Variants in MAD1L1 observed in about 807,000 individuals in gnomAD.
MAD1L1 encodes the protein mitotic arrest deficient 1 like 1.
MAD1L1 carries 95 observed loss-of-function variants against 96.9 expected under a neutral mutation model. The ratio of observed to expected loss-of-function variants is 0.98; its 90% CI spans 0.83 to 1.16. MAD1L1 has a LOEUF of 1.16. MAD1L1 is among the 50% of genes most tolerant of loss of function. The pLI, the probability that MAD1L1 is intolerant of heterozygous loss-of-function variation, is 0.00. For synonymous variants in MAD1L1, 473 were observed against 396.6 expected (o/e 1.19, Z -2.29); for missense variants, 1,007 against 954.4 (o/e 1.06, Z -0.73).
At chr7:2,076,747 C>T (rs541148374) in intron 11 of MAD1L1, among the ~76,000 whole-genome samples, 10 of 152,096 alleles carry the variant, frequency 6.6e-5, no homozygotes, top group South Asian at 2.1e-4. Flanking sequence ...TTGGTGAGCC[C>T]GCAACATGGT....
intron 18 of MAD1L1, among the ~76,000 whole-genome samples, chr7:1,864,750 T>C (rs1199528053): frequency 6.6e-6 from 1 of 152,140 alleles, no homozygotes; most frequent in East Asian, 1.9e-4. Context: ...GCCCCCTCCC[T>C]GGGGTGAGGG....
Position 1,965,344 on chromosome 7 carries a change from C to T in MAD1L1, c.1506-7625G>A, listed in dbSNP as rs570227704. 5.9e-5 allele frequency among the ~76,000 whole-genome samples: 9 copies of T among 152,330 alleles called. 1 individual carries two copies. Among genetic ancestry groups the T allele is most frequent in the African/African-American group, 1.4e-4 (6 of 41,576 alleles). ...AAGCCGCGCAGACATGGCAGTGTGA[C>T]GGGTGCCCACGCCTGCCCTTCCTCT... On this transcript the variant is annotated intron_variant, in intron 15 of 18. Transcript: ENST00000265854.
At chr7:1,819,432 C>G (rs1030245302) in intron 18 of MAD1L1, among the ~76,000 whole-genome samples, 1 of 152,162 alleles carries the variant, frequency 6.6e-6, no homozygotes, top group Non-Finnish European at 1.5e-5. Flanking sequence ...ATTGTGGCCA[C>G]TGCACTCTAG....
chr7:2,172,246 C>A (rs535894018), intron 10 of MAD1L1, among the ~76,000 whole-genome samples: 2 of 152,270 alleles, frequency 1.3e-5, no homozygotes, highest in South Asian at 2.1e-4. Context: ...CACAGCCTTG[C>A]GAGACACCAC....
intron 12 of MAD1L1, among the ~76,000 whole-genome samples, chr7:2,047,493 G>A (rs1783977048): frequency 6.6e-6 from 1 of 152,198 alleles, no homozygotes; most frequent in Non-Finnish European, 1.5e-5. Flanking sequence ...ATACCTCCCA[G>A]TCTGAGCACA....
At chr7:1,884,843 G>A (rs773688299) in intron 18 of MAD1L1, among the ~76,000 whole-genome samples, 4 of 152,238 alleles carry the variant, frequency 2.6e-5, no homozygotes, top group African/African-American at 7.2e-5. Flanking sequence ...GCCCTCAGAC[G>A]CAGGCGGGGC....
At chr7:2,076,813 T>G (rs563350407) in intron 11 of MAD1L1, among the ~76,000 whole-genome samples, 3 of 144,508 alleles carry the variant, frequency 2.1e-5, no homozygotes, top group Non-Finnish European at 3.0e-5. Context: ...CTGAGATGGT[T>G]ACGACACGAT....
At chr7:2,154,450 G>A (rs1789726008) in intron 10 of MAD1L1, among the ~76,000 whole-genome samples, 1 of 152,214 alleles carries the variant, frequency 6.6e-6, no homozygotes, top group South Asian at 2.1e-4. Context: ...AGAGTTAACA[G>A]TGTATTGTAT....
intron 5 of MAD1L1, 74 bp from the exon 6 acceptor site, chr7:2,219,530 G>A (rs1584581795): frequency 1.3e-6 from 2 of 1,532,192 alleles, no homozygotes; most frequent in African/African-American, 1.4e-5. Flanking sequence ...ACATGGAGAT[G>A]AGAAGAGTGG....
intron 18 of MAD1L1, among the ~76,000 whole-genome samples, chr7:1,827,463 CGTCGCGGGTGTGGGGGCCTCCCCTCCTG>C (rs1562431575): frequency 1.4e-4 from 13 of 94,910 alleles, no homozygotes; most frequent in Non-Finnish European, 3.1e-4. Context: ...CTCCTGAGCC[CGTCGCGGGTGTGGGGGCCTCCCCTCCTG>C]AGCCCGTCCC....
At position 2,128,958 on chromosome 7, in the gene MAD1L1, T is replaced by C. The variant is rs140653328; in HGVS notation, c.1073+20194A>G. Among the ~76,000 whole-genome samples, 386 of 152,326 alleles carry C rather than the reference T, an allele frequency of 2.5e-3. 2 individuals are homozygous for C. The highest frequency in any genetic ancestry group is 8.0e-3 in the African/African-American group (333 of 41,574). On this transcript the variant is annotated intron_variant, in intron 11 of 18. Coordinates refer to ENST00000265854, the MANE Select transcript of MAD1L1 (RefSeq NM_001013836.2). Reference sequence around the variant, plus strand: ...GAAAAGCCAGAGGGGGACACAGACCTTCCCAAGGCTTCAGGGCATCTGGAC... The same window carrying C: ...GAAAAGCCAGAGGGGGACACAGACCCTCCCAAGGCTTCAGGGCATCTGGAC...
intron 18 of MAD1L1, among the ~76,000 whole-genome samples, chr7:1,883,807 C>G (rs527403851): frequency 1.8e-4 from 27 of 152,324 alleles, no homozygotes; most frequent in Admixed American, 8.5e-4. Flanking sequence ...CAGACAGCTT[C>G]AAACCAGATG....
chr7:1,938,170 G>A (rs112159206), intron 16 of MAD1L1, among the ~76,000 whole-genome samples: 1 of 83,138 alleles, frequency 1.2e-5, no homozygotes, highest in Non-Finnish European at 2.3e-5. Context: ...CCGAGACCCC[G>A]ACCTCACGCC....
At position 1,898,181 on chromosome 7, in the gene MAD1L1, C is replaced by T. The variant is rs765962367; in HGVS notation, c.1998+19G>A. ...ACAGAGAGCGAGACAGCCGGAGAGCCGTCACACGCAGGACCCACCTTGAAG... is the reference window on the plus strand; with the variant it reads ...ACAGAGAGCGAGACAGCCGGAGAGCTGTCACACGCAGGACCCACCTTGAAG... On this transcript the variant is annotated intron_variant, in intron 18 of 18. Coordinates refer to ENST00000265854, the MANE Select transcript of MAD1L1 (RefSeq NM_001013836.2). 1.0e-5 allele frequency: 16 copies of T among 1,587,732 alleles called. No individual in the cohort carries two copies. Among genetic ancestry groups the T allele is most frequent in the African/African-American group, 6.7e-5 (5 of 74,360 alleles).
At chr7:1,858,774 G>A (rs1386564769) in intron 18 of MAD1L1, among the ~76,000 whole-genome samples, 1 of 152,248 alleles carries the variant, frequency 6.6e-6, no homozygotes, top group African/African-American at 2.4e-5. Flanking sequence ...GGGTCCCAGG[G>A]CAAGGGGCCC....
chr7:2,019,035 C>T (rs1221987792), intron 12 of MAD1L1, among the ~76,000 whole-genome samples: 1 of 152,204 alleles, frequency 6.6e-6, no homozygotes, highest in Non-Finnish European at 1.5e-5. Flanking sequence ...CTAATTACCT[C>T]TCCCGACGCA....
intron 16 of MAD1L1, among the ~76,000 whole-genome samples, chr7:1,946,047 G>T (rs908036734): frequency 9.2e-5 from 14 of 152,200 alleles, no homozygotes; most frequent in African/African-American, 3.4e-4. Flanking sequence ...CAGCCCAGAG[G>T]AAGGGCCAGC....
intron 18 of MAD1L1, among the ~76,000 whole-genome samples, chr7:1,854,615 G>C (rs1784153051): frequency 6.6e-6 from 1 of 152,038 alleles, no homozygotes; most frequent in Admixed American, 6.5e-5. Flanking sequence ...CGAAGACCCC[G>C]CCTCCTCATG....
At chr7:1,919,760 T>C (rs1222192893) in intron 17 of MAD1L1, among the ~76,000 whole-genome samples, 2 of 152,266 alleles carry the variant, frequency 1.3e-5, no homozygotes, top group African/African-American at 4.8e-5. Flanking sequence ...GGTGCAGAGC[T>C]GGGACCATGG....
Sources: allele counts gnomAD v4.1 joint callset (sites outside exome capture counted in the v4.1 genomes callset), GRCh38; gene constraint gnomAD v4.1.1; transcripts MANE v1.5; gene names NCBI Gene and HGNC (gene_info 2026-07-23, HGNC 2026-07-21).